Variants in MRAS observed in about 807,000 individuals in gnomAD.
The protein encoded by MRAS is ras-related protein M-Ras.
A neutral mutation model predicts 20.9 loss-of-function variants in MRAS; 4 were observed. The ratio of observed to expected loss-of-function variants is 0.19; its 90% confidence interval spans 0.09 to 0.44. MRAS has a LOEUF of 0.44. Among genes scored for constraint, MRAS ranks in the 20% least tolerant of loss-of-function variants. The pLI is 0.99. For missense variants in MRAS, 154 were observed against 277.5 expected (o/e 0.56, Z 3.16); for synonymous variants, 98 against 102.9 (o/e 0.95, Z 0.29).
intron 2 of MRAS, among the ~76,000 whole-genome samples, chr3:138,386,424 T>G (rs779857080): frequency 2.0e-5 from 3 of 152,252 alleles, no homozygotes; most frequent in Non-Finnish European, 2.9e-5. Flanking sequence ...TTCGTGCTGC[T>G]GCAGTGTGTA....
chr3:138,384,475 G>A (rs1266613425), intron 2 of MRAS, among the ~76,000 whole-genome samples: 1 of 152,092 alleles, frequency 6.6e-6, no homozygotes, highest in East Asian at 1.9e-4. Flanking sequence ...AGAGAGGGAA[G>A]AGTCTTTGGC....
chr3:138,391,426 C>T (rs1268084303), intron 2 of MRAS, among the ~76,000 whole-genome samples: 2 of 152,108 alleles, frequency 1.3e-5, no homozygotes, highest in East Asian at 3.9e-4. Context: ...ATTTCTGATC[C>T]TGTTACAGTA....
At chr3:138,376,585 A>AT (rs1202171851) in intron 2 of MRAS, among the ~76,000 whole-genome samples, 1 of 152,278 alleles carries the variant, frequency 6.6e-6, no homozygotes, top group African/African-American at 2.4e-5. Context: ...TAGCTATATT[A>AT]TTTTTTTCTA....
chr3:138,348,277 T>C (rs538196319), upstream of MRAS: 3 of 152,318 alleles, frequency 2.0e-5, no homozygotes, highest in South Asian at 6.2e-4. Flanking sequence ...GAATTCCCAC[T>C]CGGCGTCCAC....
chr3:138,398,126 C>T (rs1256341276), intron 3 of MRAS, among the ~76,000 whole-genome samples: 2 of 152,168 alleles, frequency 1.3e-5, no homozygotes, highest in African/African-American at 4.8e-5. Flanking sequence ...CTGCTGGGAG[C>T]CATCCTAATT....
intron 2 of MRAS, among the ~76,000 whole-genome samples, chr3:138,385,951 G>C (rs1189320811): frequency 2.0e-5 from 3 of 152,242 alleles, no homozygotes; most frequent in Non-Finnish European, 4.4e-5. Flanking sequence ...CCTGGAGCCA[G>C]TGCTTAGCTG....
intron 4 of MRAS, among the ~76,000 whole-genome samples, chr3:138,399,948 G>A (rs2055325136): frequency 6.6e-6 from 1 of 152,200 alleles, no homozygotes; most frequent in Non-Finnish European, 1.5e-5. Flanking sequence ...CTTTCGACCG[G>A]GTGATGATTT....
At chr3:138,369,541 A>G (rs984304756) in intron 1 of MRAS, among the ~76,000 whole-genome samples, 2 of 152,232 alleles carry the variant, frequency 1.3e-5, no homozygotes, top group Non-Finnish European at 2.9e-5. Context: ...CAGGCATTGA[A>G]TGTCCTGTGA....
intron 2 of MRAS, among the ~76,000 whole-genome samples, chr3:138,396,820 T>C (rs2055246076): frequency 6.6e-6 from 1 of 152,078 alleles, no homozygotes. Context: ...TCTTCAGGGC[T>C]TCCCCCCAGG....
chr3:138,372,774 G>T, intron 1 of MRAS, 92 bp from the exon 2 acceptor site: 1 of 898,624 alleles, frequency 1.1e-6, no homozygotes, highest in Non-Finnish European at 1.6e-6. Flanking sequence ...TTATAATTGA[G>T]AGTATTACTT....
intron 2 of MRAS, among the ~76,000 whole-genome samples, chr3:138,381,739 C>T (rs988745212): frequency 2.4e-4 from 37 of 152,228 alleles, no homozygotes; most frequent in African/African-American, 8.0e-4. Context: ...TCTTCTCCTG[C>T]ACCATCAGAA....
At chr3:138,393,897 G>A (rs1387324200) in intron 2 of MRAS, among the ~76,000 whole-genome samples, 1 of 151,812 alleles carries the variant, frequency 6.6e-6, no homozygotes, top group African/African-American at 2.4e-5. Context: ...CACGATGTTG[G>A]CCAGGCTGGT....
At chr3:138,351,214 T>C (rs2054220450) in intron 1 of MRAS, among the ~76,000 whole-genome samples, 1 of 151,610 alleles carries the variant, frequency 6.6e-6, no homozygotes, top group African/African-American at 2.4e-5. Flanking sequence ...CCAAACAGAG[T>C]GTGTCTCCCT....
At chr3:138,378,609 C>T (rs1576365838) in intron 2 of MRAS, among the ~76,000 whole-genome samples, 2 of 152,346 alleles carry the variant, frequency 1.3e-5, no homozygotes, top group Admixed American at 1.3e-4. Context: ...AACACCACCT[C>T]ACCTTGGCTT....
intron 2 of MRAS, among the ~76,000 whole-genome samples, chr3:138,378,798 C>G (rs1478478837): frequency 6.6e-6 from 1 of 152,164 alleles, no homozygotes; most frequent in African/African-American, 2.4e-5. Flanking sequence ...TGTTCTACAA[C>G]CATCCCTGCC....
chr3:138,387,827 T>C (rs1409916645), intron 2 of MRAS, among the ~76,000 whole-genome samples: 2 of 152,188 alleles, frequency 1.3e-5, no homozygotes, highest in East Asian at 1.9e-4. Flanking sequence ...CACCGACATA[T>C]GCAGTTTGTA....
chr3:138,401,671 A>T (rs925126698), intron 5 of MRAS, among the ~76,000 whole-genome samples: 1 of 152,206 alleles, frequency 6.6e-6, no homozygotes, highest in Admixed American at 6.5e-5. Context: ...TTTTGCCTCC[A>T]ATTAGGATGT....
At chr3:138,370,697 A>G (rs1435464663) in intron 1 of MRAS, among the ~76,000 whole-genome samples, 3 of 152,240 alleles carry the variant, frequency 2.0e-5, no homozygotes, top group African/African-American at 7.2e-5. Flanking sequence ...AAACATTTTC[A>G]GGTGGCTTGA....
At chr3:138,398,797 T>C (rs1377607352) in intron 4 of MRAS, among the ~76,000 whole-genome samples, 1 of 152,184 alleles carries the variant, frequency 6.6e-6, no homozygotes, top group Non-Finnish European at 1.5e-5. Context: ...AGAAGGTGTC[T>C]GGGACCTGGG....
Sources: allele counts gnomAD v4.1 joint callset (sites outside exome capture counted in the v4.1 genomes callset), GRCh38; gene constraint gnomAD v4.1.1; transcripts MANE v1.5; gene names NCBI Gene and HGNC (gene_info 2026-07-23, HGNC 2026-07-21).